Variants in RHBDL3 observed in about 807,000 individuals in gnomAD.
The protein encoded by RHBDL3 is rhomboid like 3.
In RHBDL3, 28 loss-of-function variants were observed where a neutral mutation model predicts 48.2. The ratio of observed to expected loss-of-function variants is 0.58; its 90% CI spans 0.43 to 0.80. The LOEUF (loss-of-function observed/expected upper bound fraction) is 0.80, where lower values mean the gene tolerates loss of function less well. Ranked by LOEUF, RHBDL3 falls within the 30% of genes least tolerant of loss-of-function variation. The pLI is 0.00. For missense variants in RHBDL3, 464 were observed against 542.7 expected (o/e 0.85, Z 1.44); for synonymous variants, 208 against 232.3 (o/e 0.90, Z 0.95).
At chr17:32,270,404 C>T (rs1436145410) in intron 2 of RHBDL3, among the ~76,000 whole-genome samples, 3 of 151,860 alleles carry the variant, frequency 2.0e-5, no homozygotes, top group East Asian at 3.8e-4. Context: ...ACCAGTCCCT[C>T]CATAATGTCT....
intron 8 of RHBDL3, among the ~76,000 whole-genome samples, chr17:32,317,043 T>C (rs2040993088): frequency 6.6e-6 from 1 of 151,798 alleles, no homozygotes; most frequent in African/African-American, 2.4e-5. Flanking sequence ...AGCTACTTTT[T>C]TGTATTTTTT....
At chr17:32,267,811 A>T (rs986531674) in intron 1 of RHBDL3, 91 bp from the exon 2 acceptor site, 26 of 1,604,326 alleles carry the variant, frequency 1.6e-5, no homozygotes, top group Non-Finnish European at 2.0e-5. Flanking sequence ...GCTATGTCAG[A>T]AACATCCGAG....
intron 2 of RHBDL3, among the ~76,000 whole-genome samples, chr17:32,269,771 GTCTA>G (rs2039728444): frequency 6.6e-6 from 1 of 151,522 alleles, no homozygotes. Flanking sequence ...CTCTGTCTGT[GTCTA>G]TCTTTTTCAT....
rs2041136574 is a variant in RHBDL3 at position 32,321,612 on chromosome 17, G to A, written c.*383G>A. On this transcript the variant is annotated 3_prime_UTR_variant, in exon 9 of 9. Coordinates refer to ENST00000269051, the MANE Select transcript of RHBDL3 (RefSeq NM_138328.3). ...CCTCCTCTACCCTCAGAGACCCTAA[G>A]AGACATGGGAAGGCTCGAAGGTTGT... 2.7e-6 allele frequency: 1 copy of A among 370,658 alleles called. No individual in the cohort carries two copies. The highest frequency in any genetic ancestry group is 6.5e-5 in the East Asian group (1 of 15,342). The allele number at this position is 370,658 out of a possible 1,614,324, so 23.0% of individuals were successfully genotyped here.
At chr17:32,317,169 G>A (rs1004820297) in intron 8 of RHBDL3, among the ~76,000 whole-genome samples, 1 of 152,114 alleles carries the variant, frequency 6.6e-6, no homozygotes, top group African/African-American at 2.4e-5. Context: ...CACCATGCCT[G>A]GCCCCAGCCT....
chr17:32,302,545 A>G (rs949875836), intron 6 of RHBDL3, among the ~76,000 whole-genome samples: 3 of 103,712 alleles, frequency 2.9e-5, no homozygotes, highest in Non-Finnish European at 6.7e-5. Context: ...ATATATATAT[A>G]TATATATTTT....
chr17:32,309,774 T>G (rs1325993876), intron 7 of RHBDL3, among the ~76,000 whole-genome samples: 1 of 30,836 alleles, frequency 3.2e-5, no homozygotes, highest in Non-Finnish European at 1.0e-4. Flanking sequence ...AGACTTCTTT[T>G]TTTTTTTTTT....
chr17:32,274,281 C>G (rs2039843804), intron 2 of RHBDL3, among the ~76,000 whole-genome samples: 1 of 152,202 alleles, frequency 6.6e-6, no homozygotes, highest in South Asian at 2.1e-4. Flanking sequence ...GTGTTCTGAT[C>G]TGGCAATTCC....
In RHBDL3 at chr17:32,321,591, C is replaced by CGAGA; in HGVS notation, c.*362_*363insGAGA. 6 of 409,676 alleles carry CGAGA rather than the reference C, an allele frequency of 1.5e-5. No individual in the cohort carries two copies. The highest frequency in any genetic ancestry group is 5.6e-5 in the East Asian group (1 of 17,862). The allele number at this position is 409,676 out of a possible 1,614,324, so 25.4% of individuals were successfully genotyped here. On this transcript the variant is annotated 3_prime_UTR_variant, in exon 9 of 9. Coordinates refer to ENST00000269051, the MANE Select transcript of RHBDL3 (RefSeq NM_138328.3). ...ATTGAGCAGCAGCTTCTTCCTCCTC[C>CGAGA]TCTACCCTCAGAGACCCTAAGAGAC... is the stretch of plus-strand genomic sequence containing the variant.
intron 4 of RHBDL3, among the ~76,000 whole-genome samples, chr17:32,292,759 G>A (rs558746048): frequency 7.4e-5 from 10 of 136,000 alleles, no homozygotes; most frequent in Non-Finnish European, 1.2e-4. Context: ...CTGAGATCAC[G>A]CCACTGCACT....
Position 32,296,352 on chromosome 17 carries a change from T to TTTTTG in RHBDL3, c.669-1739_669-1738insTTTGT, listed in dbSNP as rs940121432. Among the ~76,000 whole-genome samples, 31 of 144,066 alleles carry TTTTTG rather than the reference T, an allele frequency of 2.2e-4. 1 individual carries two copies. Among genetic ancestry groups the TTTTTG allele is most frequent in the African/African-American group, 8.1e-4 (31 of 38,082 alleles). 94.5% of individuals were successfully genotyped at this position (144,066 alleles called of 152,430 possible). A position where few individuals can be genotyped will look rare whatever the true frequency, so the allele number is the denominator to read the frequency against. On this transcript the variant is annotated intron_variant, in intron 5 of 8. Transcript: ENST00000269051. ...GTCTCTTTTTTTTTTTTTTTTTTTT[T>TTTTTG]TGAGATGGAGTCTCGTTGTGTCACC...
At chr17:32,273,697 AG>A (rs1169633063) in intron 2 of RHBDL3, among the ~76,000 whole-genome samples, 17 of 152,198 alleles carry the variant, frequency 1.1e-4, no homozygotes, top group Admixed American at 6.5e-5. Context: ...AATTTAAACA[AG>A]TAAAAAATAA....
chr17:32,305,368 T>A lies in RHBDL3; in HGVS notation c.809T>A (p.Met270Lys). 6.2e-7 allele frequency: 1 copy of A among 1,613,888 alleles called. No individual in the cohort carries two copies. Among genetic ancestry groups the A allele is most frequent in the Non-Finnish European group, 8.5e-7 (1 of 1,179,780 alleles). The change falls in exon 7 of 9, where the codon ATG becomes AAG. Residue 270 changes from methionine (M) to lysine (K), a missense_variant. Transcript: ENST00000269051. ...AGSLAVSVADMTAPVVGSSGG... is the reference protein window; with the variant it reads ...AGSLAVSVADKTAPVVGSSGG... ...TCCTTGGCAGTGTCTGTGGCTGACA[T>A]GACCGCTCCAGTCGTGGGCTCTTCT...
chr17:32,316,492 TTATC>T (rs528055750), intron 8 of RHBDL3, among the ~76,000 whole-genome samples, 200 bp downstream of exon 8: 161 of 152,054 alleles, frequency 1.1e-3, no homozygotes, highest in Admixed American at 2.4e-3. Context: ...TTTTATTTAT[TTATC>T]TATTTTTAAA....
At chr17:32,282,572 A>G (rs547202167) in intron 2 of RHBDL3, among the ~76,000 whole-genome samples, 134 of 152,312 alleles carry the variant, frequency 8.8e-4, no homozygotes, top group Middle Eastern at 3.4e-3. Flanking sequence ...GTCTAAAACA[A>G]AAAACAATAG....
intron 7 of RHBDL3, among the ~76,000 whole-genome samples, chr17:32,315,752 T>C (rs56334012): frequency 0.49 from 74,710 of 151,150 alleles, 19,273 homozygotes; most frequent in Non-Finnish European, 0.56. Context: ...TTCCTTGTGT[T>C]GACTCATTTG....
intron 2 of RHBDL3, 45 bp downstream of exon 2, chr17:32,267,970 A>C: frequency 6.7e-7 from 1 of 1,489,492 alleles, no homozygotes; most frequent in Non-Finnish European, 9.4e-7. Flanking sequence ...CCCTCCCTGA[A>C]ATCGGTCTCA....
intron 2 of RHBDL3, among the ~76,000 whole-genome samples, chr17:32,283,992 A>G (rs1260712265): frequency 6.6e-6 from 1 of 152,228 alleles, no homozygotes; most frequent in Non-Finnish European, 1.5e-5. Context: ...TCCCAGGCAG[A>G]GGGACCCACG....
chr17:32,307,887 C>T (rs1357084002), intron 7 of RHBDL3, among the ~76,000 whole-genome samples: 2 of 152,112 alleles, frequency 1.3e-5, no homozygotes, highest in Non-Finnish European at 2.9e-5. Context: ...AAATGCTAAC[C>T]TCCTCCCTCC....
Sources: gnomAD v4.1 joint callset for allele counts (sites outside exome capture counted in the v4.1 genomes callset) on GRCh38, gnomAD v4.1.1 for gene constraint, MANE v1.5 for transcripts, NCBI Gene and HGNC (gene_info 2026-07-23, HGNC 2026-07-21) for gene names.